The following WDR64 variants were observed in gnomAD, a reference collection of about 807,000 sequenced individuals.
WDR64 encodes the protein WD repeat domain 64, also known as WD repeat-containing protein 64.
Under a neutral mutation model 139.3 loss-of-function variants are expected in WDR64, and 112 were observed. That is an observed-to-expected ratio of 0.80 (90% CI 0.69 to 0.94). WDR64 has a LOEUF of 0.94. Ranked by LOEUF, WDR64 falls within the 40% of genes least tolerant of loss-of-function variation. The pLI is 0.00. For missense variants in WDR64, 1,206 were observed against 1,293.1 expected, an observed-to-expected ratio of 0.93 and a Z score of 1.03; for synonymous variants, 444 against 437.7, an observed-to-expected ratio of 1.01 and a Z score of -0.18.
In WDR64 at chr1:241,741,760, C is replaced by T. The variant is rs777434519; in HGVS notation, c.1470+96C>T. ...TCATTGAGTGATTAAGCAAATGTAGCGGCACATACGATGAGACCATACATT... is the reference window on the plus strand; with the variant it reads ...TCATTGAGTGATTAAGCAAATGTAGTGGCACATACGATGAGACCATACATT... On this transcript the variant is annotated intron_variant, in intron 12 of 27. Coordinates refer to ENST00000437684, the MANE Select transcript of WDR64 (RefSeq NM_001367482.1). 366 of 1,244,950 alleles carry T rather than the reference C, an allele frequency of 2.9e-4. 1 individual carries two copies. The highest frequency in any genetic ancestry group is 3.5e-4 in the Non-Finnish European group (321 of 928,004). 77.1% of individuals were successfully genotyped at this position (1,244,950 alleles called of 1,614,324 possible). A position where few individuals can be genotyped will look rare whatever the true frequency, so the allele number is the denominator to read the frequency against.
intron 21 of WDR64, among the ~76,000 whole-genome samples, chr1:241,775,459 A>G (rs1449827760): frequency 6.6e-6 from 1 of 152,176 alleles, no homozygotes; most frequent in Non-Finnish European, 1.5e-5. Flanking sequence ...TAAAATGTGT[A>G]TGTGTCTACC....
intron 13 of WDR64, among the ~76,000 whole-genome samples, chr1:241,747,235 G>A (rs894338381): frequency 5.9e-5 from 9 of 152,198 alleles, no homozygotes; most frequent in African/African-American, 2.2e-4. Context: ...TATTGGTTGT[G>A]CAAATTTATA....
In WDR64 at chr1:241,679,709, G is replaced by A. The variant is rs1042975508; in HGVS notation, c.624+114G>A. 11 of 833,166 alleles carry A rather than the reference G, an allele frequency of 1.3e-5. No individual in the cohort carries two copies. In the South Asian group the frequency reaches 1.6e-4, roughly 12 times the overall value. 51.6% of individuals were successfully genotyped at this position (833,166 alleles called of 1,614,324 possible). A position where few individuals can be genotyped will look rare whatever the true frequency, so the allele number is the denominator to read the frequency against. On this transcript the variant is annotated intron_variant, in intron 6 of 27. Coordinates refer to ENST00000437684, the MANE Select transcript of WDR64 (RefSeq NM_001367482.1). ...CAGTTTCTTCATCTATAAAATGAGA[G>A]GATTTAAGTAAGTAATCTCTTAGAT...
intron 12 of WDR64, among the ~76,000 whole-genome samples, chr1:241,742,278 T>G (rs1558502075): frequency 6.6e-6 from 1 of 152,162 alleles, no homozygotes; most frequent in Non-Finnish European, 1.5e-5. Flanking sequence ...CCAGAGGCAT[T>G]TGAACCACAG....
intron 9 of WDR64, among the ~76,000 whole-genome samples, chr1:241,714,592 AT>A (rs144786340): frequency 0.11 from 17,370 of 151,644 alleles, 1,089 homozygotes; most frequent in Admixed American, 0.18. Context: ...CATAAAGTTA[AT>A]TTTTTTTTCA....
chr1:241,796,628 G>A (rs578046356), intron 27 of WDR64, among the ~76,000 whole-genome samples: 2 of 152,196 alleles, frequency 1.3e-5, no homozygotes, highest in South Asian at 4.1e-4. Flanking sequence ...AAGTAGCTGG[G>A]ATTACAGGCA....
intron 12 of WDR64, 24 bp downstream of exon 12, chr1:241,741,688 A>G (rs1020201786): frequency 2.1e-5 from 33 of 1,555,932 alleles, no homozygotes; most frequent in Non-Finnish European, 2.8e-5. Flanking sequence ...GGCTTTTCAA[A>G]CAGAAAAAAA....
chr1:241,794,502 CTGTTTTTTTT>C (rs1352341895), intron 25 of WDR64, among the ~76,000 whole-genome samples: 3 of 105,024 alleles, frequency 2.9e-5, no homozygotes, highest in African/African-American at 1.2e-4. Flanking sequence ...TTAAGCTTTA[CTGTTTTTTTT>C]TTTTTTTTTT....
intron 8 of WDR64, among the ~76,000 whole-genome samples, chr1:241,688,924 G>A (rs568339168): frequency 2.0e-5 from 3 of 152,100 alleles, no homozygotes; most frequent in East Asian, 1.9e-4. Flanking sequence ...GAAGGAAAAG[G>A]CACCATTTTG....
At chr1:241,760,279 T>C (rs1031211255) in intron 15 of WDR64, among the ~76,000 whole-genome samples, 1 of 151,886 alleles carries the variant, frequency 6.6e-6, no homozygotes. Context: ...AGGTGGCCAT[T>C]TGGGTTGTTT....
At chr1:241,697,847 C>T (rs1667554940) in intron 8 of WDR64, among the ~76,000 whole-genome samples, 1 of 152,212 alleles carries the variant, frequency 6.6e-6, no homozygotes, top group African/African-American at 2.4e-5. Flanking sequence ...ACTGATCTCA[C>T]CCACCCTGAA....
chr1:241,716,267 A>G (rs1186984021), intron 9 of WDR64, among the ~76,000 whole-genome samples: 2 of 137,908 alleles, frequency 1.5e-5, no homozygotes, highest in African/African-American at 5.8e-5. Flanking sequence ...TGAGCTTCAA[A>G]AAAGCACAAG....
chr1:241,762,437 G>A (rs1263539957), intron 15 of WDR64, among the ~76,000 whole-genome samples: 2 of 152,162 alleles, frequency 1.3e-5, no homozygotes, highest in Non-Finnish European at 2.9e-5. Flanking sequence ...ATGTCTGAGG[G>A]ATGAAGTGTT....
chr1:241,789,869 C>G (rs1336799822), intron 24 of WDR64, among the ~76,000 whole-genome samples: 1 of 151,838 alleles, frequency 6.6e-6, no homozygotes, highest in African/African-American at 2.4e-5. Context: ...TGCACATGTA[C>G]CACTGAACTT....
At chr1:241,670,058 TTTA>T (rs1666164301) in intron 2 of WDR64, among the ~76,000 whole-genome samples, 2 of 152,326 alleles carry the variant, frequency 1.3e-5, no homozygotes, top group Admixed American at 1.3e-4. Context: ...TTATAAGCAT[TTTA>T]TTAATTTCAA....
In WDR64 at chr1:241,749,714, A is replaced by G. The variant is rs1042035951; in HGVS notation, c.1762A>G (p.Met588Val). The change falls in exon 14 of 28, where the codon ATG becomes GTG. Residue 588 changes from methionine (M) to valine (V), a missense_variant. Coordinates refer to ENST00000437684, the MANE Select transcript of WDR64 (RefSeq NM_001367482.1). Reference protein sequence around the residue: ...LALERNGTIKMIQGKEDDIYL... With the variant: ...LALERNGTIKVIQGKEDDIYL... ...CTTGGAGCGCAACGGGACTATCAAA[A>G]TGATCCAGGTTTACAATCCCACTTC... 2 of 1,613,860 alleles carry G rather than the reference A, an allele frequency of 1.2e-6. No homozygotes were observed. Among genetic ancestry groups the G allele is most frequent in the Admixed American group, 1.7e-5 (1 of 59,992 alleles).
Position 241,802,208 on chromosome 1 carries a change from A to G in WDR64, c.*993A>G, listed in dbSNP as rs569308825. 6.0e-4 allele frequency: 239 copies of G among 396,010 alleles called. No individual in the cohort carries two copies. Among genetic ancestry groups the G allele is most frequent in the South Asian group, 9.2e-4 (7 of 7,632 alleles). The allele number at this position is 396,010 out of a possible 1,614,324, so 24.5% of individuals were successfully genotyped here. A position where few individuals can be genotyped will look rare whatever the true frequency, so the allele number is the denominator to read the frequency against. The stretch of plus-strand genomic sequence containing the variant: ...GGTAGGGTAGGACAATGGAATCCTC[A>G]GCAATTAAAGGGAATAAAATGCTAA... On this transcript the variant is annotated 3_prime_UTR_variant, in exon 28 of 28. Coordinates refer to ENST00000437684, the MANE Select transcript of WDR64 (RefSeq NM_001367482.1).
At chr1:241,716,444 A>T (rs1668406404) in intron 9 of WDR64, among the ~76,000 whole-genome samples, 1 of 152,098 alleles carries the variant, frequency 6.6e-6, no homozygotes, top group Non-Finnish European at 1.5e-5. Context: ...TCAGAGTAGG[A>T]ACACAATTAC....
Position 241,741,590 on chromosome 1 carries a change from C to A in WDR64, c.1396C>A (p.Arg466=). ...DTKQVPHTHE[R]EINVMLYNKY... is the part of the protein sequence containing the mutation. ...AAAACAGGTTCCTCACACTCATGAA[C>A]GAGAAATCAATGTCATGCTTTACAA... The change falls in exon 12 of 28, where the codon CGA becomes AGA. Residue 466 remains arginine (R), a synonymous_variant. Coordinates refer to ENST00000437684, the MANE Select transcript of WDR64 (RefSeq NM_001367482.1). 2 of 1,613,294 alleles carry A rather than the reference C, an allele frequency of 1.2e-6. No individual in the cohort carries two copies. The highest frequency in any genetic ancestry group is 3.3e-4 in the Middle Eastern group (2 of 6,062).
Sources: allele counts gnomAD v4.1 joint callset (sites outside exome capture counted in the v4.1 genomes callset), GRCh38; gene constraint gnomAD v4.1.1; transcripts MANE v1.5; gene names NCBI Gene and HGNC (gene_info 2026-07-23, HGNC 2026-07-21).